Variants in PDE6A observed in about 807,000 individuals in gnomAD.
The protein encoded by PDE6A is phosphodiesterase 6A.
PDE6A carries 84 observed loss-of-function variants against 106.3 expected under a neutral mutation model. The ratio of observed to expected loss-of-function variants is 0.79; its 90% CI spans 0.66 to 0.95. PDE6A has a LOEUF of 0.95. Among genes scored for constraint, PDE6A ranks in the 40% least tolerant of loss-of-function variants. The pLI, the probability that PDE6A is intolerant of heterozygous loss-of-function variation, is 0.00. For missense variants in PDE6A, 1,052 were observed against 1,084.9 expected, an observed-to-expected ratio of 0.97 and a Z score of 0.43; for synonymous variants, 394 against 386.6, an observed-to-expected ratio of 1.02 and a Z score of -0.23.
rs748474348 is a variant in PDE6A at position 149,895,299 on chromosome 5, A to T, written c.1621-9T>A. 20 of 1,577,900 alleles carry T rather than the reference A, an allele frequency of 1.3e-5. No individual in the cohort carries two copies. The highest frequency in any genetic ancestry group is 1.7e-5 in the Non-Finnish European group (20 of 1,146,966). On this transcript the variant is annotated splice_polypyrimidine_tract_variant and intron_variant, in intron 12 of 21. Coordinates refer to ENST00000255266, the MANE Select transcript of PDE6A (RefSeq NM_000440.3). ...ATGAACCGCACCAGGGCCTGTGAAC[A>T]CATGCACATCAGTGAGGCAGGACAC...
intron 4 of PDE6A, among the ~76,000 whole-genome samples, chr5:149,930,698 G>A (rs1046965357): frequency 6.6e-6 from 1 of 152,204 alleles, no homozygotes; most frequent in African/African-American, 2.4e-5. Flanking sequence ...AATCCCTGAA[G>A]TTGGCAACTT....
At chr5:149,944,087 G>A in intron 1 of PDE6A, 113 bp downstream of exon 1, 1 of 757,542 alleles carries the variant, frequency 1.3e-6, no homozygotes, top group Non-Finnish European at 2.3e-6. Flanking sequence ...TAAAGAAGAA[G>A]CACCATGTTG....
chr5:149,876,005 T>C (rs2113529566), intron 17 of PDE6A, among the ~76,000 whole-genome samples: 1 of 152,330 alleles, frequency 6.6e-6, no homozygotes, highest in East Asian at 1.9e-4. Flanking sequence ...TGTGTGTGTG[T>C]ACACTACATA....
rs1561760991 is a variant in PDE6A, at chr5:149,914,924, T to C, written c.998+19A>G. On this transcript the variant is annotated intron_variant, in intron 6 of 21. Coordinates refer to ENST00000255266, the MANE Select transcript of PDE6A (RefSeq NM_000440.3). ...AAGCTAATTTGTTGTCATTTTGTCT[T>C]TTGACAGGTGAAACTTACGGGATGA... 2 of 1,569,206 alleles carry C rather than the reference T, an allele frequency of 1.3e-6. No homozygotes were observed. The highest frequency in any genetic ancestry group is 2.7e-5 in the African/African-American group (2 of 73,968).
At chr5:149,870,913 G>T (rs1048257252) in intron 17 of PDE6A, among the ~76,000 whole-genome samples, 1 of 148,844 alleles carries the variant, frequency 6.7e-6, no homozygotes, top group East Asian at 2.0e-4. Context: ...AAAAGAAAGA[G>T]AAAGAAAGAA....
chr5:149,892,303 A>G (rs1031264399), intron 13 of PDE6A, among the ~76,000 whole-genome samples: 3 of 152,048 alleles, frequency 2.0e-5, no homozygotes, highest in African/African-American at 7.2e-5. Context: ...GCAACAGAGT[A>G]GGAGCTCAAA....
intron 1 of PDE6A, 53 bp from the exon 2 acceptor site, chr5:149,934,771 G>C (rs2113661542): frequency 5.0e-6 from 8 of 1,586,180 alleles, no homozygotes; most frequent in Non-Finnish European, 6.9e-6. Context: ...CAAGAACAGT[G>C]GAACGGCCCA....
chr5:149,863,166 A>C lies in PDE6A; in HGVS notation c.2459T>G (p.Met820Arg). 1 of 1,614,090 alleles carries C rather than the reference A, an allele frequency of 6.2e-7. No individual in the cohort carries two copies. The highest frequency in any genetic ancestry group is 8.5e-7 in the Non-Finnish European group (1 of 1,180,020). Residue 820 changes from methionine to arginine, a missense_variant, in exon 21 of 22, where the codon ATG becomes AGG. Met to Arg is a moderately conservative substitution (Grantham distance 91). This residue lies in a region of PDE6A where 135 missense variants were observed against 153.2 expected (regional missense o/e 0.88). Coordinates refer to ENST00000255266, the MANE Select transcript of PDE6A (RefSeq NM_000440.3). The surrounding 1 kb of genome is among the most constrained non-coding windows in gnomAD (Gnocchi z 4.7). Reference protein sequence around the residue: ...KALADEYDAKMKVQEEKKQKQ... With the variant: ...KALADEYDAKRKVQEEKKQKQ... ...CTGCTTCTTCTCCTCCTGCACCTTCATCTTGGCATCGTACTCATCAGCAAG... is the reference window on the plus strand; with the variant it reads ...CTGCTTCTTCTCCTCCTGCACCTTCCTCTTGGCATCGTACTCATCAGCAAG...
intron 19 of PDE6A, chr5:149,866,520 G>A: frequency 2.2e-6 from 1 of 451,394 alleles, no homozygotes; most frequent in Admixed American, 3.7e-5. Context: ...CCAGAGGGTG[G>A]GAGGGATGGC....
intron 8 of PDE6A, among the ~76,000 whole-genome samples, chr5:149,902,821 CA>C (rs773375068): frequency 0.033 from 3,442 of 105,516 alleles, 103 homozygotes; most frequent in African/African-American, 0.1. Flanking sequence ...GACTCCGTCT[CA>C]AAAAAAAAAA....
At chr5:149,902,739 G>A (rs991051469) in intron 8 of PDE6A, among the ~76,000 whole-genome samples, 2 of 151,046 alleles carry the variant, frequency 1.3e-5, no homozygotes, top group African/African-American at 2.4e-5. Context: ...GGAGGATGGC[G>A]TGAACCTGGG....
At chr5:149,876,335 T>TGCCCATTTTTC (rs1760737649) in intron 17 of PDE6A, among the ~76,000 whole-genome samples, 1 of 151,334 alleles carries the variant, frequency 6.6e-6, no homozygotes, top group African/African-American at 2.4e-5. Context: ...ACCTATTTTT[T>TGCCCATTTTTC]GCCCATTTTT....
intron 13 of PDE6A, among the ~76,000 whole-genome samples, chr5:149,893,640 C>G (rs1021479242): frequency 2.6e-5 from 4 of 152,144 alleles, no homozygotes; most frequent in African/African-American, 9.7e-5. Context: ...GGTTATGCAA[C>G]CTTACAGTAT....
intron 9 of PDE6A, among the ~76,000 whole-genome samples, 170 bp from the exon 10 acceptor site, chr5:149,898,676 G>A (rs888667599): frequency 7.2e-5 from 11 of 152,138 alleles, no homozygotes; most frequent in Non-Finnish European, 1.6e-4. Context: ...ATAAAGGAAT[G>A]GATGTGACCA....
At chr5:149,867,889 A>G in intron 18 of PDE6A, 90 bp from the exon 19 acceptor site, 4 of 1,326,756 alleles carry the variant, frequency 3.0e-6, no homozygotes, top group Non-Finnish European at 2.1e-6. Flanking sequence ...TTCCAAATCA[A>G]CAAAAAGGAT....
intron 9 of PDE6A, among the ~76,000 whole-genome samples, chr5:149,898,963 A>G (rs1326485827): frequency 6.6e-6 from 1 of 152,190 alleles, no homozygotes; most frequent in Non-Finnish European, 1.5e-5. Flanking sequence ...TCTTGGGCTC[A>G]AGTGATCCTC....
At chr5:149,900,650 AGAT>A (rs2113599516) in intron 8 of PDE6A, among the ~76,000 whole-genome samples, 1 of 151,982 alleles carries the variant, frequency 6.6e-6, no homozygotes, top group East Asian at 1.9e-4. Context: ...TAACATGGTG[AGAT>A]GATAATTGTT....
chr5:149,929,628 A>ATAAATAAATAAC (rs1236223361), intron 4 of PDE6A, among the ~76,000 whole-genome samples: 3 of 151,688 alleles, frequency 2.0e-5, no homozygotes, highest in African/African-American at 7.3e-5. Context: ...AAATAAATAA[A>ATAAATAAATAAC]TAAATAAATA....
chr5:149,889,716 G>A (rs181881562), intron 13 of PDE6A, among the ~76,000 whole-genome samples: 2 of 151,990 alleles, frequency 1.3e-5, no homozygotes, highest in Admixed American at 6.5e-5. Context: ...GATCAGCCTC[G>A]GCAACATGGT....
Sources: allele counts gnomAD v4.1 joint callset (sites outside exome capture counted in the v4.1 genomes callset), GRCh38; gene constraint gnomAD v4.1.1; regional missense constraint gnomAD v4.1.1; non-coding constraint Gnocchi (gnomAD v3.1); transcripts MANE v1.5; gene names NCBI Gene and HGNC (gene_info 2026-07-23, HGNC 2026-07-21).